The following SATB1 variants were observed in gnomAD, a reference collection of about 807,000 sequenced individuals.
SATB1 encodes the protein DNA-binding protein SATB1.
Under a neutral mutation model 86.9 loss-of-function variants are expected in SATB1, and 11 were observed. That is an observed-to-expected ratio of 0.13 (90% CI 0.08 to 0.21). SATB1 has a LOEUF of 0.21. Ranked by LOEUF, SATB1 falls within the 10% of genes least tolerant of loss-of-function variation. The pLI is 1.00. For missense variants in SATB1, 551 were observed against 937.6 expected (o/e 0.59, Z 5.39); for synonymous variants, 357 against 357.2 (o/e 1.00, Z 0.01).
At chr3:18,397,512 C>T (rs778366976) in intron 5 of SATB1, among the ~76,000 whole-genome samples, 2 of 152,140 alleles carry the variant, frequency 1.3e-5, no homozygotes, top group East Asian at 3.9e-4. Context: ...CAGTATAAAG[C>T]TATCAAACCC....
At chr3:18,371,103 G>A (rs1352598607) in intron 9 of SATB1, among the ~76,000 whole-genome samples, 1 of 152,116 alleles carries the variant, frequency 6.6e-6, no homozygotes, top group Non-Finnish European at 1.5e-5. Context: ...GAGGAGGCTG[G>A]CAGTTTATGA....
In SATB1 at chr3:18,349,148, GAACGA is replaced by G. The variant is rs775494646; in HGVS notation, c.*17_*21del. On this transcript the variant is annotated 3_prime_UTR_variant, in exon 11 of 11. Coordinates refer to ENST00000338745, the MANE Select transcript of SATB1 (RefSeq NM_002971.6). The surrounding 1 kb of genome is among the most constrained non-coding windows in gnomAD (Gnocchi z 5.5). ...GTTAGTAAATACCAGTGGCACTGTTGAACGAAACAAATACTTTTATCTCAGTCTTT... is the reference window on the plus strand; with the variant it reads ...GTTAGTAAATACCAGTGGCACTGTTGAACAAATACTTTTATCTCAGTCTTT... The G allele has an allele frequency of 7.5e-6, 12 of 1,606,544 alleles. No homozygotes were observed. In the East Asian group the frequency reaches 2.7e-4, roughly 36 times the overall value.
chr3:18,348,960 C>T lies in SATB1; in HGVS notation c.*210G>A. On this transcript the variant is annotated 3_prime_UTR_variant, in exon 11 of 11. Transcript: ENST00000338745. ...TAATACCAAACAATCCTTGATGCTT[C>T]ACCTGGGGCTGCCAAGCAGTTTGTA... is the stretch of plus-strand genomic sequence containing the variant. The T allele has an allele frequency of 1.4e-6, 1 of 740,438 alleles. No homozygotes were observed. Among genetic ancestry groups the T allele is most frequent in the Non-Finnish European group, 2.1e-6 (1 of 476,848 alleles). The allele number at this position is 740,438 out of a possible 1,614,324, so 45.9% of individuals were successfully genotyped here.
At chr3:18,442,586 T>C (rs1474013299), upstream of SATB1, among the ~76,000 whole-genome samples, 1 of 152,224 alleles carries the variant, frequency 6.6e-6, no homozygotes, top group Non-Finnish European at 1.5e-5. Context: ...TTGTCTACAG[T>C]GTATTTAATA....
chr3:18,415,314 T>C, intron 4 of SATB1, 80 bp from the exon 5 acceptor site: 3 of 1,541,894 alleles, frequency 1.9e-6, no homozygotes. Context: ...ACAGACAGAT[T>C]TCATTTTGCG....
intron 5 of SATB1, among the ~76,000 whole-genome samples, chr3:18,404,477 T>C (rs1463141698): frequency 6.6e-6 from 1 of 151,972 alleles, no homozygotes; most frequent in African/African-American, 2.4e-5. Context: ...CCCTGGCACA[T>C]TGCTAAAATT....
intron 8 of SATB1, among the ~76,000 whole-genome samples, chr3:18,381,589 G>A (rs1479374866): frequency 6.6e-6 from 1 of 152,110 alleles, no homozygotes; most frequent in African/African-American, 2.4e-5. Context: ...GTTATTTAGA[G>A]TTCATGACAT....
In SATB1 at chr3:18,352,446, T is replaced by TA; in HGVS notation, c.1576-252dup. The TA allele has an allele frequency of 2.2e-6, 1 of 453,348 alleles. No homozygotes were observed. The highest frequency in any genetic ancestry group is 4.0e-6 in the Non-Finnish European group (1 of 250,270). The allele number at this position is 453,348 out of a possible 1,614,324, so 28.1% of individuals were successfully genotyped here. A position where few individuals can be genotyped will look rare whatever the true frequency, so the allele number is the denominator to read the frequency against. On this transcript the variant is annotated intron_variant, in intron 9 of 10. Transcript: ENST00000338745. The surrounding 1 kb of genome is among the most constrained non-coding windows in gnomAD (Gnocchi z 4.1). Reference sequence around the variant, plus strand: ...GACATATTTTTTCAGACTCTGAGGGTAACAGAGCATTTATCACAGATTTTT... The same window carrying TA: ...GACATATTTTTTCAGACTCTGAGGGTAAACAGAGCATTTATCACAGATTTTT...
intron 10 of SATB1, chr3:18,351,191 C>A: frequency 1.3e-6 from 1 of 773,470 alleles, no homozygotes; most frequent in South Asian, 1.5e-5. Context: ...GCACAGTGAG[C>A]TCTGCCCAAG....
upstream of SATB1, among the ~76,000 whole-genome samples, chr3:18,442,276 GAAAT>G (rs1559471705): frequency 1.3e-5 from 2 of 151,432 alleles, no homozygotes; most frequent in Non-Finnish European, 2.9e-5. Flanking sequence ...TCATTATTCA[GAAAT>G]AAATACAAAA....
chr3:18,381,101 A>G (rs1307460098), intron 8 of SATB1, among the ~76,000 whole-genome samples: 5 of 152,186 alleles, frequency 3.3e-5, no homozygotes, highest in Non-Finnish European at 7.4e-5. Context: ...AGCTTCTACT[A>G]CTTACCCTCC....
chr3:18,409,394 T>G (rs7645344), intron 5 of SATB1: 50,413 of 151,882 alleles, frequency 0.33, 9,253 homozygotes, highest in Admixed American at 0.46. Context: ...CTGTTGTAGA[T>G]TATACACATT....
intron 5 of SATB1, 24 bp downstream of exon 5, chr3:18,415,087 T>C (rs1559450477): frequency 6.2e-7 from 1 of 1,611,624 alleles, no homozygotes; most frequent in Non-Finnish European, 8.5e-7. Flanking sequence ...TGTCTTATTA[T>C]TTATTACATT....
intron 7 of SATB1, among the ~76,000 whole-genome samples, chr3:18,391,936 T>C (rs1696697359): frequency 6.6e-6 from 1 of 152,216 alleles, no homozygotes; most frequent in Admixed American, 6.5e-5. Flanking sequence ...CATGCCTGCA[T>C]GTGCAAAAGT....
intron 9 of SATB1, among the ~76,000 whole-genome samples, chr3:18,374,220 C>T (rs1321477183): frequency 6.6e-6 from 1 of 152,138 alleles, no homozygotes; most frequent in African/African-American, 2.4e-5. Context: ...GAGGGGTTTG[C>T]TGTGGAATAA....
chr3:18,410,503 T>A (rs568770622), intron 5 of SATB1, among the ~76,000 whole-genome samples: 145 of 152,122 alleles, frequency 9.5e-4, no homozygotes, highest in African/African-American at 3.3e-3. Flanking sequence ...TAAGACTATA[T>A]CCTACTTAGG....
chr3:18,406,153 T>C (rs182127127), intron 5 of SATB1, among the ~76,000 whole-genome samples: 353 of 152,148 alleles, frequency 2.3e-3, no homozygotes, highest in Admixed American at 7.9e-3. Context: ...CATTATGGAA[T>C]GGCTGAACAG....
intron 9 of SATB1, among the ~76,000 whole-genome samples, chr3:18,359,263 C>T (rs1298726710): frequency 6.6e-6 from 1 of 151,872 alleles, no homozygotes; most frequent in Admixed American, 6.6e-5. Context: ...ACAAGATTAT[C>T]AAATGACAAC....
chr3:18,396,317 T>G (rs981736515), intron 6 of SATB1, among the ~76,000 whole-genome samples: 1 of 152,122 alleles, frequency 6.6e-6, no homozygotes, highest in African/African-American at 2.4e-5. Flanking sequence ...TGTAAAGAAA[T>G]AAATAGAAAT....
Sources: allele counts gnomAD v4.1 joint callset (sites outside exome capture counted in the v4.1 genomes callset), GRCh38; gene constraint gnomAD v4.1.1; non-coding constraint Gnocchi (gnomAD v3.1); transcripts MANE v1.5; gene names NCBI Gene and HGNC (gene_info 2026-07-23, HGNC 2026-07-21).